NKAIN2: variants seen among roughly 807,000 people sequenced by gnomAD.
The protein encoded by NKAIN2 is sodium/potassium-transporting ATPase subunit beta-1-interacting protein 2.
Under a neutral mutation model 32.6 loss-of-function variants are expected in NKAIN2, and 14 were observed. That is an observed-to-expected ratio of 0.43 (90% CI 0.28 to 0.67). NKAIN2 has a LOEUF of 0.67. NKAIN2 is among the 30% of genes least tolerant of loss of function. The pLI is 0.17. For synonymous variants in NKAIN2, 80 were observed against 87.2 expected (o/e 0.92, Z 0.46); for missense variants, 198 against 258.3 (o/e 0.77, Z 1.60).
At chr6:124,615,476 G>T (rs553617608) in intron 3 of NKAIN2, among the ~76,000 whole-genome samples, 8 of 152,202 alleles carry the variant, frequency 5.3e-5, no homozygotes, top group African/African-American at 1.9e-4. Context: ...CTTAATAAAT[G>T]CACATACAAA....
At chr6:124,716,374 A>G (rs1038163837) in intron 4 of NKAIN2, among the ~76,000 whole-genome samples, 2 of 152,196 alleles carry the variant, frequency 1.3e-5, no homozygotes, top group African/African-American at 4.8e-5. Context: ...AAAGCAAGAG[A>G]CATCTGTATC....
intron 1 of NKAIN2, among the ~76,000 whole-genome samples, chr6:124,205,275 C>T (rs961166296): frequency 5.3e-5 from 8 of 151,818 alleles, no homozygotes; most frequent in African/African-American, 1.4e-4. Flanking sequence ...TGCTTCTACA[C>T]GAATTTTCCA....
intron 3 of NKAIN2, among the ~76,000 whole-genome samples, chr6:124,551,154 T>A (rs1014340603): frequency 2.0e-5 from 3 of 152,174 alleles, no homozygotes; most frequent in African/African-American, 7.2e-5. Flanking sequence ...GAAATAAAAG[T>A]ATTTGTCAGT....
At chr6:123,890,429 A>T (rs998509632) in intron 1 of NKAIN2, among the ~76,000 whole-genome samples, 2 of 152,028 alleles carry the variant, frequency 1.3e-5, no homozygotes, top group African/African-American at 4.8e-5. Context: ...TCCTGGACCA[A>T]AATCAGTAAT....
At chr6:124,097,310 G>A (rs73563158) in intron 1 of NKAIN2, among the ~76,000 whole-genome samples, 4,299 of 151,730 alleles carry the variant, frequency 0.028, 200 homozygotes, top group African/African-American at 0.097. Flanking sequence ...TGAATGAAGC[G>A]GGAGAATCGC....
intron 1 of NKAIN2, among the ~76,000 whole-genome samples, chr6:124,180,434 A>C (rs543781624): frequency 2.0e-5 from 3 of 152,034 alleles, no homozygotes; most frequent in Non-Finnish European, 4.4e-5. Context: ...ATGGGAAAAA[A>C]CCCACCCCTA....
chr6:124,645,300 G>A (rs993383705), intron 3 of NKAIN2, among the ~76,000 whole-genome samples: 1 of 152,166 alleles, frequency 6.6e-6, no homozygotes, highest in Non-Finnish European at 1.5e-5. Flanking sequence ...ACTGGAATAG[G>A]TTGAACAATC....
At chr6:123,839,402 A>T (rs1324202952) in intron 1 of NKAIN2, among the ~76,000 whole-genome samples, 1 of 152,106 alleles carries the variant, frequency 6.6e-6, no homozygotes, top group Non-Finnish European at 1.5e-5. Flanking sequence ...TGGAAATGTG[A>T]TTAGCAGACA....
At chr6:124,146,043 A>G (rs1297360328) in intron 1 of NKAIN2, among the ~76,000 whole-genome samples, 1 of 152,236 alleles carries the variant, frequency 6.6e-6, no homozygotes, top group Non-Finnish European at 1.5e-5. Flanking sequence ...TTAGGAAATC[A>G]CATTAACATT....
chr6:124,400,565 G>A (rs2114454297), intron 3 of NKAIN2, among the ~76,000 whole-genome samples: 1 of 152,294 alleles, frequency 6.6e-6, no homozygotes, highest in South Asian at 2.1e-4. Context: ...CCTGGCAGGA[G>A]AGAAAACTCC....
At chr6:124,509,740 A>G (rs957757212) in intron 3 of NKAIN2, among the ~76,000 whole-genome samples, 1 of 152,190 alleles carries the variant, frequency 6.6e-6, no homozygotes, top group Non-Finnish European at 1.5e-5. Context: ...TTTGGCTAGT[A>G]CCTTCTAAGT....
At chr6:124,466,303 T>C (rs1244966277) in intron 3 of NKAIN2, among the ~76,000 whole-genome samples, 3 of 152,132 alleles carry the variant, frequency 2.0e-5, no homozygotes, top group Non-Finnish European at 2.9e-5. Flanking sequence ...TAGCAAAGCA[T>C]TGAAAACTGA....
chr6:124,024,220 C>T (rs1385700819), intron 1 of NKAIN2, among the ~76,000 whole-genome samples: 1 of 152,052 alleles, frequency 6.6e-6, no homozygotes, highest in Non-Finnish European at 1.5e-5. Context: ...TTATATTCCC[C>T]TGATCCAGGA....
At position 124,792,991 on chromosome 6, in the gene NKAIN2, G is replaced by A. The variant is rs1040786315; in HGVS notation, c.535+1592G>A. 2.6e-5 allele frequency among the ~76,000 whole-genome samples: 4 copies of A among 152,032 alleles called. No homozygotes were observed. The East Asian group carries it at 7.7e-4, about 29-fold the overall frequency. ...AATACATTAGCATCATTATAAAGAA[G>A]AGACTCAAGAGGGGGAAAGATTAGG... is the stretch of plus-strand genomic sequence containing the variant. On this transcript the variant is annotated intron_variant, in intron 5 of 6. Transcript: ENST00000368417.
intron 1 of NKAIN2, among the ~76,000 whole-genome samples, chr6:124,250,571 T>C (rs1452771685): frequency 6.6e-6 from 1 of 152,006 alleles, no homozygotes; most frequent in Non-Finnish European, 1.5e-5. Context: ...AGATAACAAT[T>C]ATTAACCTAG....
chr6:124,633,634 T>G (rs1303337026), intron 3 of NKAIN2, among the ~76,000 whole-genome samples: 1 of 152,204 alleles, frequency 6.6e-6, no homozygotes, highest in African/African-American at 2.4e-5. Context: ...GTCATAAAAC[T>G]TTATTAGCAT....
At chr6:124,242,630 C>T (rs1410524578) in intron 1 of NKAIN2, among the ~76,000 whole-genome samples, 1 of 152,100 alleles carries the variant, frequency 6.6e-6, no homozygotes, top group African/African-American at 2.4e-5. Flanking sequence ...ATACCAAAGA[C>T]TTGGAACCAA....
At chr6:124,347,167 C>G (rs556753086) in intron 2 of NKAIN2, among the ~76,000 whole-genome samples, 47 of 152,256 alleles carry the variant, frequency 3.1e-4, no homozygotes, top group African/African-American at 8.2e-4. Context: ...TTGGCCCCCA[C>G]TCTCTTCTGG....
intron 1 of NKAIN2, among the ~76,000 whole-genome samples, chr6:123,863,742 T>C (rs1775879245): frequency 6.6e-6 from 1 of 152,302 alleles, no homozygotes; most frequent in East Asian, 1.9e-4. Context: ...AGGACAACAA[T>C]GCAGTTTGCT....
Sources: gnomAD v4.1 joint callset for allele counts (sites outside exome capture counted in the v4.1 genomes callset) on GRCh38, gnomAD v4.1.1 for gene constraint, MANE v1.5 for transcripts, NCBI Gene and HGNC (gene_info 2026-07-23, HGNC 2026-07-21) for gene names.